Variants in PHACTR2 observed in about 807,000 individuals in gnomAD.
PHACTR2 encodes the protein chromosome 6 open reading frame 56.
A neutral mutation model predicts 76.0 loss-of-function variants in PHACTR2; 30 were observed. That is an observed-to-expected ratio of 0.39 (90% confidence interval 0.30 to 0.54). The LOEUF (loss-of-function observed/expected upper bound fraction) is 0.54. Ranked by LOEUF, PHACTR2 falls within the 20% of genes least tolerant of loss-of-function variation. The pLI is 0.61. For missense variants in PHACTR2, 696 were observed against 781.1 expected (o/e 0.89, Z 1.30); for synonymous variants, 292 against 292.5 (o/e 1.00, Z 0.02).
rs915461280 is a variant in PHACTR2, at chr6:143,580,342, C to T, written c.217+43135C>T. On this transcript the variant is annotated intron_variant, in intron 1 of 11. Coordinates refer to the PHACTR2 transcript ENST00000367584. The surrounding 1 kb of genome is among the most constrained non-coding windows in gnomAD (Gnocchi z 4.2). ...CTACTAAAAATACAAAAAATTAGCC[C>T]GGCTTGGTGGCGGGCGCCTGTAGTC... Among the ~76,000 whole-genome samples, 2 of 152,022 alleles carry T rather than the reference C, an allele frequency of 1.3e-5. No individual in the cohort carries two copies. The highest frequency in any genetic ancestry group is 4.8e-5 in the African/African-American group (2 of 41,402).
intron 2 of PHACTR2, among the ~76,000 whole-genome samples, chr6:143,716,511 G>A (rs986744231): frequency 1.4e-4 from 21 of 152,170 alleles, no homozygotes; most frequent in African/African-American, 5.1e-4. Flanking sequence ...CTTTTCTGCT[G>A]TACTTTTAGT....
Position 143,791,692 on chromosome 6 carries a change from AT to A in PHACTR2, c.1845+2793del, listed in dbSNP as rs753590215. Reference sequence around the variant, plus strand: ...ACATGTTAAATCTCCCACTATGTGGATTTTTTTTTTTACTTCTCCTTATAAT... The same window carrying A: ...ACATGTTAAATCTCCCACTATGTGGATTTTTTTTTTACTTCTCCTTATAAT... On this transcript the variant is annotated intron_variant, in intron 11 of 12. Coordinates refer to ENST00000440869, the MANE Select transcript of PHACTR2 (RefSeq NM_001100164.2). The surrounding 1 kb of genome is among the most constrained non-coding windows in gnomAD (Gnocchi z 4.7). Among the ~76,000 whole-genome samples, 411 of 147,076 alleles carry A rather than the reference AT, an allele frequency of 2.8e-3. 1 individual carries two copies. Among genetic ancestry groups the A allele is most frequent in the African/African-American group, 8.2e-3 (331 of 40,254 alleles).
rs1212845121 is a variant in PHACTR2 at position 143,611,318 on chromosome 6, G to A, written c.13+2996G>A. Among the ~76,000 whole-genome samples the A allele has an allele frequency of 6.6e-6, 1 of 152,164 alleles. No homozygotes were observed. Among genetic ancestry groups the A allele is most frequent in the Non-Finnish European group, 1.5e-5 (1 of 68,030 alleles). ...CTTCACCGTGCATTCTAGCTCAGTGGTTCAAAGCCTTTTGACAATTGATGT... is the reference window on the plus strand; with the variant it reads ...CTTCACCGTGCATTCTAGCTCAGTGATTCAAAGCCTTTTGACAATTGATGT... On this transcript the variant is annotated intron_variant, in intron 1 of 11. Transcript: ENST00000305766. This position sits in a 1 kb window ranked among gnomAD's most constrained non-coding sequence, Gnocchi z 4.4.
rs1781194688 is a variant in PHACTR2, at chr6:143,543,747, G to A, written c.217+6540G>A. On this transcript the variant is annotated intron_variant, in intron 1 of 11. Transcript: ENST00000367584. This position sits in a 1 kb window ranked among gnomAD's most constrained non-coding sequence, Gnocchi z 4.7. ...CTTTTGGGAGAGAAGGGAGAGTAGAGAGCTGGGCAGAGACTGAGTATGGGA... is the reference window on the plus strand; with the variant it reads ...CTTTTGGGAGAGAAGGGAGAGTAGAAAGCTGGGCAGAGACTGAGTATGGGA... Among the ~76,000 whole-genome samples the A allele has an allele frequency of 6.6e-6, 1 of 152,206 alleles. No individual in the cohort carries two copies.
rs1213266706 is a variant in PHACTR2 at position 143,671,566 on chromosome 6, T to C, written c.14-40450T>C. Among the ~76,000 whole-genome samples, 1 of 152,252 alleles carries C rather than the reference T, an allele frequency of 6.6e-6. No individual in the cohort carries two copies. The highest frequency in any genetic ancestry group is 1.5e-5 in the Non-Finnish European group (1 of 68,038). On this transcript the variant is annotated intron_variant, in intron 1 of 11. Transcript: ENST00000305766. The surrounding 1 kb of genome is among the most constrained non-coding windows in gnomAD (Gnocchi z 4.6). Reference sequence around the variant, plus strand: ...TCTAAATTGTTATAAAGTTTACTGATTTATTATGTTTACTGCTTATTTTCT... The same window carrying C: ...TCTAAATTGTTATAAAGTTTACTGACTTATTATGTTTACTGCTTATTTTCT...
In PHACTR2 at chr6:143,543,203, TACTTAA is replaced by T. The variant is rs1781187763; in HGVS notation, c.217+6000_217+6005del. On this transcript the variant is annotated intron_variant, in intron 1 of 11. Transcript: ENST00000367584. This position sits in a 1 kb window ranked among gnomAD's most constrained non-coding sequence, Gnocchi z 4.7. Reference sequence around the variant, plus strand: ...TCAGAGGATGCATGAAGAGCTAATTTACTTAAACTAGTTAAGCTCTAGTTTGTGTCA... The same window carrying T: ...TCAGAGGATGCATGAAGAGCTAATTTACTAGTTAAGCTCTAGTTTGTGTCA... 6.6e-6 allele frequency among the ~76,000 whole-genome samples: 1 copy of T among 152,246 alleles called. No individual in the cohort carries two copies. The highest frequency in any genetic ancestry group is 2.4e-5 in the African/African-American group (1 of 41,454).
intron 1 of PHACTR2, among the ~76,000 whole-genome samples, chr6:143,640,225 G>A (rs990319834): frequency 7.2e-5 from 11 of 152,210 alleles, no homozygotes; most frequent in African/African-American, 1.7e-4. Context: ...CTATGTTACC[G>A]GTTTGTGGAT....
At position 143,688,454 on chromosome 6, in the gene PHACTR2, A is replaced by G. The variant is rs971597548; in HGVS notation, c.46+10245A>G. On this transcript the variant is annotated intron_variant, in intron 1 of 12. Coordinates refer to ENST00000440869, the MANE Select transcript of PHACTR2 (RefSeq NM_001100164.2). This position sits in a 1 kb window ranked among gnomAD's most constrained non-coding sequence, Gnocchi z 5.2. ...TCTGCACTGCAGGCTCAAATGTGCAACTCCCTATTTGACAGGTCTGCTTGA... is the reference window on the plus strand; with the variant it reads ...TCTGCACTGCAGGCTCAAATGTGCAGCTCCCTATTTGACAGGTCTGCTTGA... 4.6e-5 allele frequency among the ~76,000 whole-genome samples: 7 copies of G among 151,930 alleles called. No individual in the cohort carries two copies. The highest frequency in any genetic ancestry group is 1.5e-4 in the African/African-American group (6 of 41,346).
chr6:143,674,042 C>T (rs1777200243), upstream of PHACTR2, among the ~76,000 whole-genome samples: 1 of 152,154 alleles, frequency 6.6e-6, no homozygotes. This position sits in a 1 kb window ranked among gnomAD's most constrained non-coding sequence, Gnocchi z 4.9. Flanking sequence ...CTTTCCTTAA[C>T]AAAAGTTTTC....
rs373597025 is a variant in PHACTR2, at chr6:143,760,432, A to G, written c.486A>G (p.Ala162=). 4 of 1,613,184 alleles carry G rather than the reference A, an allele frequency of 2.5e-6. No homozygotes were observed. Among genetic ancestry groups the G allele is most frequent in the Middle Eastern group, 1.6e-4 (1 of 6,082 alleles). ...CTGAAAACCACTCTGAAACACCGGC[A>G]GCTCCTGCTCTACCTCCTTCTGCTC... is the stretch of plus-strand genomic sequence containing the variant. The part of the protein sequence containing the change: ...ENTENHSETP[A]APALPPSAPP... Residue 162 remains alanine (A), a synonymous_variant, in exon 5 of 13, where the codon GCA becomes GCG. Transcript: ENST00000440869. This position sits in a 1 kb window ranked among gnomAD's most constrained non-coding sequence, Gnocchi z 6.4.
At chr6:143,651,481 A>G (rs978073824) in intron 1 of PHACTR2, among the ~76,000 whole-genome samples, 13 of 152,354 alleles carry the variant, frequency 8.5e-5, no homozygotes, top group African/African-American at 3.1e-4. Context: ...AAAATGTGGT[A>G]TATATACACC....
chr6:143,810,589 G>A (rs1006574126), intron 12 of PHACTR2: 1 of 450,890 alleles, frequency 2.2e-6, no homozygotes, highest in African/African-American at 2.0e-5. Context: ...CAAAACTTCT[G>A]ACCAGCTGAG....
At position 143,825,315 on chromosome 6, in the gene PHACTR2, AT is replaced by A. The variant is rs1028962325; in HGVS notation, c.*1630del. On this transcript the variant is annotated 3_prime_UTR_variant, in exon 13 of 13. Transcript: ENST00000440869. This position sits in a 1 kb window ranked among gnomAD's most constrained non-coding sequence, Gnocchi z 4.1. The stretch of plus-strand genomic sequence containing the variant: ...AATGTAGATCCTGCCATTCATTGGT[AT>A]TTTAAAGAACCACTTGAAATCGGAT... 9.9e-5 allele frequency: 15 copies of A among 152,236 alleles called. No individual in the cohort carries two copies. Among genetic ancestry groups the A allele is most frequent in the African/African-American group, 3.6e-4 (15 of 41,460 alleles). 9.4% of individuals were successfully genotyped at this position (152,236 alleles called of 1,614,324 possible). A position where few individuals can be genotyped will look rare whatever the true frequency, so the allele number is the denominator to read the frequency against.
intron 9 of PHACTR2, among the ~76,000 whole-genome samples, chr6:143,779,361 T>C (rs2128477060): frequency 6.6e-6 from 1 of 152,010 alleles, no homozygotes; most frequent in Non-Finnish European, 1.5e-5. Context: ...TTTTTTTTTT[T>C]TTTTCTGAGA....
intron 2 of PHACTR2, among the ~76,000 whole-genome samples, chr6:143,747,496 G>A (rs1225838221): frequency 6.6e-6 from 1 of 152,224 alleles, no homozygotes; most frequent in African/African-American, 2.4e-5. Flanking sequence ...TCTTCTTAGT[G>A]TTATCACCTG....
Position 143,757,845 on chromosome 6 carries a change from C to G in PHACTR2, c.455-2556C>G, listed in dbSNP as rs1367299375. ...ATTCGTTGAATAGACATAGTGTTTA[C>G]AGCATTGTGTTCGATGGAATTTTAA... On this transcript the variant is annotated intron_variant, in intron 4 of 12. Coordinates refer to ENST00000440869, the MANE Select transcript of PHACTR2 (RefSeq NM_001100164.2). This position sits in a 1 kb window ranked among gnomAD's most constrained non-coding sequence, Gnocchi z 4.2. 6.6e-6 allele frequency among the ~76,000 whole-genome samples: 1 copy of G among 152,128 alleles called. No homozygotes were observed. The highest frequency in any genetic ancestry group is 2.4e-5 in the African/African-American group (1 of 41,414).
At position 143,597,127 on chromosome 6, in the gene PHACTR2, C is replaced by G. The variant is rs1173028736; in HGVS notation, c.217+59920C>G. Among the ~76,000 whole-genome samples the G allele has an allele frequency of 6.6e-6, 1 of 152,148 alleles. No homozygotes were observed. Among genetic ancestry groups the G allele is most frequent in the Non-Finnish European group, 1.5e-5 (1 of 68,020 alleles). On this transcript the variant is annotated intron_variant, in intron 1 of 11. Transcript: ENST00000367584. This position sits in a 1 kb window ranked among gnomAD's most constrained non-coding sequence, Gnocchi z 5.7. Reference sequence around the variant, plus strand: ...TTTTCCCCTCTGTGTTCTCACGCTCCACACTGTGGAAGAACACATTCTCTT... The same window carrying G: ...TTTTCCCCTCTGTGTTCTCACGCTCGACACTGTGGAAGAACACATTCTCTT...
intron 1 of PHACTR2, among the ~76,000 whole-genome samples, chr6:143,661,521 G>A (rs556353425): frequency 6.8e-6 from 1 of 147,510 alleles, no homozygotes; most frequent in East Asian, 2.0e-4. Flanking sequence ...GGTAAAGATT[G>A]TTTCTTATCG....
rs368737113 is a variant in PHACTR2, at chr6:143,570,379, G to C, written c.217+33172G>C. Reference sequence around the variant, plus strand: ...TCATCTTATGCAGGGTTTGTACTTCGGCTTCTCTCACTGTGCTGGAGATTA... The same window carrying C: ...TCATCTTATGCAGGGTTTGTACTTCCGCTTCTCTCACTGTGCTGGAGATTA... On this transcript the variant is annotated intron_variant, in intron 1 of 11. Coordinates refer to the PHACTR2 transcript ENST00000367584. The surrounding 1 kb of genome is among the most constrained non-coding windows in gnomAD (Gnocchi z 4.6). 6.6e-6 allele frequency among the ~76,000 whole-genome samples: 1 copy of C among 152,136 alleles called. No individual in the cohort carries two copies. Among genetic ancestry groups the C allele is most frequent in the Non-Finnish European group, 1.5e-5 (1 of 68,036 alleles).
Sources: gnomAD v4.1 joint callset for allele counts (sites outside exome capture counted in the v4.1 genomes callset) on GRCh38, gnomAD v4.1.1 for gene constraint, Gnocchi (gnomAD v3.1) non-coding constraint, MANE v1.5 for transcripts, NCBI Gene and HGNC (gene_info 2026-07-23, HGNC 2026-07-21) for gene names.